Variants in GALNTL6 observed in about 807,000 individuals in gnomAD.
GALNTL6 encodes polypeptide N-acetylgalactosaminyltransferase like 6, also known as polypeptide N-acetylgalactosaminyltransferase-like 6.
GALNTL6 carries 46 observed loss-of-function variants against 73.7 expected under a neutral mutation model. The observed-to-expected ratio is 0.62, with a 90% CI of 0.49 to 0.80. The LOEUF is 0.80. GALNTL6 is among the 30% of genes least tolerant of loss of function. The pLI is 0.00. For synonymous variants in GALNTL6, 259 were observed against 263.7 expected (o/e 0.98, Z 0.17); for missense variants, 604 against 755.0 (o/e 0.80, Z 2.34).
chr4:173,002,937 ATAG>A (rs1258507801), intron 10 of GALNTL6, among the ~76,000 whole-genome samples: 11 of 152,334 alleles, frequency 7.2e-5, no homozygotes, highest in African/African-American at 2.4e-4. Context: ...AATATTATTT[ATAG>A]TCAGTAGAAT....
intron 2 of GALNTL6, among the ~76,000 whole-genome samples, chr4:171,830,889 TG>T (rs1410463276): frequency 1.3e-5 from 2 of 152,260 alleles, no homozygotes; most frequent in African/African-American, 4.8e-5. Flanking sequence ...CTATAAAATG[TG>T]TAGGCACAAT....
chr4:172,296,889 T>G (rs1040368126), intron 3 of GALNTL6, among the ~76,000 whole-genome samples: 3 of 152,206 alleles, frequency 2.0e-5, no homozygotes, highest in Non-Finnish European at 4.4e-5. Flanking sequence ...GTAATGGGAT[T>G]GCTGGGTCAA....
intron 5 of GALNTL6, among the ~76,000 whole-genome samples, chr4:172,370,702 G>C (rs928650014): frequency 6.6e-6 from 1 of 151,478 alleles, no homozygotes; most frequent in African/African-American, 2.4e-5. Flanking sequence ...ATAAATGCTG[G>C]GTGGCATCTC....
chr4:172,184,422 A>G (rs1400111612), intron 2 of GALNTL6, among the ~76,000 whole-genome samples: 1 of 152,158 alleles, frequency 6.6e-6, no homozygotes, highest in Non-Finnish European at 1.5e-5. Context: ...TTGTCTCTGA[A>G]CCAGGGGTCT....
intron 4 of GALNTL6, among the ~76,000 whole-genome samples, chr4:172,339,096 G>C (rs1741449338): frequency 6.6e-6 from 1 of 152,124 alleles, no homozygotes; most frequent in African/African-American, 2.4e-5. Context: ...TTGCTGCACT[G>C]TGGTCTCTGC....
intron 12 of GALNTL6, among the ~76,000 whole-genome samples, chr4:173,035,563 T>TC (rs1753663079): frequency 6.6e-6 from 1 of 152,222 alleles, no homozygotes; most frequent in Non-Finnish European, 1.5e-5. Flanking sequence ...CCATGCTCTC[T>TC]CCTCATACAC....
At chr4:172,984,228 C>A (rs4287983) in intron 10 of GALNTL6, among the ~76,000 whole-genome samples, 3 of 152,156 alleles carry the variant, frequency 2.0e-5, no homozygotes, top group Admixed American at 6.6e-5. Context: ...AAGGAAAGAG[C>A]TTTAATGGAC....
chr4:172,531,127 G>A (rs1023629237), intron 5 of GALNTL6, among the ~76,000 whole-genome samples: 1 of 152,046 alleles, frequency 6.6e-6, no homozygotes, highest in Non-Finnish European at 1.5e-5. Context: ...GACCTTGATA[G>A]GTTTTTAGAA....
At chr4:172,061,721 C>A (rs1199924305) in intron 2 of GALNTL6, among the ~76,000 whole-genome samples, 2 of 151,908 alleles carry the variant, frequency 1.3e-5, no homozygotes, top group Non-Finnish European at 2.9e-5. Context: ...AATAAATAAG[C>A]TCCATGATTT....
chr4:171,923,657 T>C (rs1737870767), intron 2 of GALNTL6, among the ~76,000 whole-genome samples: 6 of 151,520 alleles, frequency 4.0e-5, no homozygotes, highest in Non-Finnish European at 7.4e-5. Flanking sequence ...CCACCCGCCT[T>C]GGCCTCCCAA....
intron 2 of GALNTL6, among the ~76,000 whole-genome samples, chr4:172,077,336 T>C (rs1417071127): frequency 6.6e-6 from 1 of 151,998 alleles, no homozygotes; most frequent in Non-Finnish European, 1.5e-5. Context: ...AGAAAATTGT[T>C]GTATGATTTT....
At chr4:171,953,246 GT>G (rs1560856607) in intron 2 of GALNTL6, among the ~76,000 whole-genome samples, 2 of 151,928 alleles carry the variant, frequency 1.3e-5, no homozygotes, top group Non-Finnish European at 2.9e-5. Context: ...GTGTGTGTGT[GT>G]GTGTGTGTGT....
At chr4:172,283,401 A>G (rs115487190) in intron 3 of GALNTL6, among the ~76,000 whole-genome samples, 3,423 of 152,286 alleles carry the variant, frequency 0.022, 119 homozygotes, top group African/African-American at 0.078. Flanking sequence ...TTAGAAAATA[A>G]GTAATATGTC....
chr4:172,028,057 A>G (rs181763101), intron 2 of GALNTL6, among the ~76,000 whole-genome samples: 2 of 152,262 alleles, frequency 1.3e-5, no homozygotes, highest in East Asian at 3.9e-4. Context: ...AGGTGGCTAC[A>G]CACTAAACAG....
rs563170281 is a variant in GALNTL6 at position 172,402,541 on chromosome 4, G to A, written c.553+53852G>A. On this transcript the variant is annotated intron_variant, in intron 5 of 12. Coordinates refer to ENST00000506823, the MANE Select transcript of GALNTL6 (RefSeq NM_001034845.3). The stretch of plus-strand genomic sequence containing the variant: ...GAGAAAAGATTACGTTTTTCTAAAT[G>A]TTCCTTAAATTCTTCAATAAAACAC... 4.6e-4 allele frequency among the ~76,000 whole-genome samples: 70 copies of A among 152,150 alleles called. 2 individuals carry two copies. The South Asian group carries it at 0.014, about 30-fold the overall frequency.
chr4:172,897,012 C>G (rs1461462889), intron 8 of GALNTL6, among the ~76,000 whole-genome samples: 2 of 152,198 alleles, frequency 1.3e-5, no homozygotes, highest in Admixed American at 6.5e-5. Context: ...TGAGAATAGG[C>G]CTTCTTGGGA....
chr4:171,966,694 G>T (rs1430282388), intron 2 of GALNTL6, among the ~76,000 whole-genome samples: 1 of 152,058 alleles, frequency 6.6e-6, no homozygotes, highest in East Asian at 1.9e-4. Context: ...GTGAATTTGG[G>T]GGTTTTATCT....
At chr4:172,462,163 A>C (rs1732643380) in intron 5 of GALNTL6, among the ~76,000 whole-genome samples, 1 of 151,894 alleles carries the variant, frequency 6.6e-6, no homozygotes. Flanking sequence ...CCTAAATTAC[A>C]CCACTAGTTT....
chr4:172,209,125 G>A (rs1319790066), intron 2 of GALNTL6, among the ~76,000 whole-genome samples: 1 of 152,032 alleles, frequency 6.6e-6, no homozygotes, highest in African/African-American at 2.4e-5. Flanking sequence ...TGCTCAAGAT[G>A]TTAAACTGAT....
Sources: allele counts gnomAD v4.1 joint callset (sites outside exome capture counted in the v4.1 genomes callset), GRCh38; gene constraint gnomAD v4.1.1; transcripts MANE v1.5; gene names NCBI Gene and HGNC (gene_info 2026-07-23, HGNC 2026-07-21).